The following SVEP1 variants were observed in gnomAD, a reference collection of about 807,000 sequenced individuals.
SVEP1 encodes the protein sushi, von Willebrand factor type A, EGF and pentraxin domain-containing protein 1.
SVEP1 carries 164 observed loss-of-function variants against 367.3 expected under a neutral mutation model. That is an observed-to-expected ratio of 0.45 (90% confidence interval 0.39 to 0.51). The LOEUF is 0.51. Among genes scored for constraint, SVEP1 ranks in the 20% least tolerant of loss-of-function variants. The pLI is 0.00. For synonymous variants in SVEP1, 1,666 were observed against 1,611.6 expected, an observed-to-expected ratio of 1.03 and a Z score of -0.81; for missense variants, 4,117 against 4,425.3, an observed-to-expected ratio of 0.93 and a Z score of 1.98.
chr9:110,544,496 A>G (rs901510471), intron 3 of SVEP1, among the ~76,000 whole-genome samples: 11 of 152,232 alleles, frequency 7.2e-5, no homozygotes, highest in Non-Finnish European at 7.3e-5. Flanking sequence ...TTCTTAAAAT[A>G]TAATGTAGAG....
intron 40 of SVEP1, among the ~76,000 whole-genome samples, chr9:110,390,942 C>A (rs933792254): frequency 1.5e-4 from 23 of 152,108 alleles, no homozygotes; most frequent in African/African-American, 4.8e-4. Context: ...GTAAGCCCCA[C>A]CCCTTCCATG....
intron 37 of SVEP1, among the ~76,000 whole-genome samples, chr9:110,409,842 G>A (rs752258615): frequency 2.0e-5 from 3 of 148,048 alleles, no homozygotes; most frequent in Non-Finnish European, 4.5e-5. Context: ...AATATAACAG[G>A]TCATAAACAA....
chr9:110,520,843 A>G (rs1333249593), intron 3 of SVEP1, among the ~76,000 whole-genome samples: 3 of 152,202 alleles, frequency 2.0e-5, no homozygotes, highest in Non-Finnish European at 2.9e-5. Context: ...AAATCACTTT[A>G]AAGAGTTTTA....
intron 43 of SVEP1, among the ~76,000 whole-genome samples, chr9:110,382,131 T>C (rs143833604): frequency 7.6e-4 from 116 of 152,196 alleles, no homozygotes; most frequent in African/African-American, 2.7e-3. Flanking sequence ...TGATTCTAGG[T>C]GGTTATTTTG....
At chr9:110,475,933 A>G (rs1165906326) in intron 14 of SVEP1, 21 of 321,802 alleles carry the variant, frequency 6.5e-5, no homozygotes, top group African/African-American at 4.4e-4. Flanking sequence ...ATACATCAAC[A>G]TTTGAATTTT....
chr9:110,547,658 T>C (rs1369144046), intron 2 of SVEP1, among the ~76,000 whole-genome samples: 1 of 152,108 alleles, frequency 6.6e-6, no homozygotes, highest in Non-Finnish European at 1.5e-5. Context: ...GAGAGATAAG[T>C]GGAGGAGGTA....
chr9:110,386,314 C>A (rs113028737), intron 42 of SVEP1, among the ~76,000 whole-genome samples: 63 of 152,208 alleles, frequency 4.1e-4, no homozygotes, highest in African/African-American at 1.5e-3. Context: ...AATGCAAGGT[C>A]CTAAAAGTTG....
chr9:110,579,130 A>G lies in SVEP1; in HGVS notation c.414T>C (p.Asp138=). 2 of 1,554,716 alleles carry G rather than the reference A, an allele frequency of 1.3e-6. No individual in the cohort carries two copies. The highest frequency in any genetic ancestry group is 1.7e-6 in the Non-Finnish European group (2 of 1,149,666). Reference sequence around the variant, plus strand: ...GGCGCGCGCGGCGGGTGGAGATGTAATCGACGCGCGGCACCACGTAGTTCT... The same window carrying G: ...GGCGCGCGCGGCGGGTGGAGATGTAGTCGACGCGCGGCACCACGTAGTTCT... ...SSKNYVVPRV[D]YISTRRARQH... Residue 138 remains aspartate, a synonymous_variant, in exon 1 of 48, where the codon GAT becomes GAC. Coordinates refer to ENST00000374469, the MANE Select transcript of SVEP1 (RefSeq NM_153366.4). This position sits in a 1 kb window ranked among gnomAD's most constrained non-coding sequence, Gnocchi z 5.3.
At position 110,553,707 on chromosome 9, in the gene SVEP1, A is replaced by C. The variant is rs540564716; in HGVS notation, c.532-3603T>G. ...TTCTCCCTAACTGTAACTTCCTTGA[A>C]GGCAGGTATTTTTGTGTATTTTTTA... On this transcript the variant is annotated intron_variant, in intron 1 of 47. Coordinates refer to ENST00000374469, the MANE Select transcript of SVEP1 (RefSeq NM_153366.4). Among the ~76,000 whole-genome samples, 25 of 152,302 alleles carry C rather than the reference A, an allele frequency of 1.6e-4. No individual in the cohort carries two copies. In the East Asian group the frequency reaches 4.6e-3, roughly 28 times the overall value.
chr9:110,515,591 C>T (rs554063044), intron 3 of SVEP1, among the ~76,000 whole-genome samples: 30 of 152,240 alleles, frequency 2.0e-4, no homozygotes, highest in Middle Eastern at 3.4e-3. Flanking sequence ...TGAGCCACCG[C>T]GCCCGGCCTA....
At chr9:110,378,838 C>CCAACATGGCACATGT (rs1426369674) in intron 44 of SVEP1, among the ~76,000 whole-genome samples, 1 of 151,226 alleles carries the variant, frequency 6.6e-6, no homozygotes, top group Non-Finnish European at 1.5e-5. Flanking sequence ...GTGCAGCACA[C>CCAACATGGCACATGT]CAACATGGCA....
intron 44 of SVEP1, among the ~76,000 whole-genome samples, chr9:110,378,328 G>A (rs935242654): frequency 1.3e-5 from 2 of 152,088 alleles, no homozygotes; most frequent in Non-Finnish European, 2.9e-5. Flanking sequence ...ACTTCTCATT[G>A]TTGCTGCCAG....
intron 28 of SVEP1, among the ~76,000 whole-genome samples, chr9:110,435,655 A>G (rs528696957): frequency 1.3e-5 from 2 of 152,306 alleles, no homozygotes; most frequent in South Asian, 4.1e-4. Flanking sequence ...AAGGGGTTGT[A>G]GAGGCTCTCC....
intron 22 of SVEP1, among the ~76,000 whole-genome samples, chr9:110,454,676 C>T (rs115086112): frequency 1.3e-5 from 2 of 152,158 alleles, no homozygotes; most frequent in African/African-American, 4.8e-5. Context: ...GATGCAGCTG[C>T]AGGCCATTAT....
chr9:110,381,184 C>CT (rs1203765202), intron 43 of SVEP1, among the ~76,000 whole-genome samples: 1 of 151,752 alleles, frequency 6.6e-6, no homozygotes, highest in African/African-American at 2.4e-5. Context: ...TTTTGAAGGG[C>CT]TTTTTGTGTC....
chr9:110,529,292 G>C (rs201711618), intron 3 of SVEP1, among the ~76,000 whole-genome samples: 3,087 of 152,090 alleles, frequency 0.02, 69 homozygotes, highest in East Asian at 0.12. Context: ...AGTATAATTT[G>C]AAGTTGAGTA....
intron 27 of SVEP1, among the ~76,000 whole-genome samples, chr9:110,439,226 A>G (rs1370887404): frequency 6.6e-6 from 1 of 152,124 alleles, no homozygotes. Context: ...CTGCATAAGA[A>G]GAGACACCAG....
intron 40 of SVEP1, 150 bp from the exon 41 acceptor site, chr9:110,389,737 C>G: frequency 1.2e-6 from 1 of 803,780 alleles, no homozygotes; most frequent in Non-Finnish European, 1.9e-6. Context: ...AAGTCTAAAT[C>G]TACTCCTTAA....
At chr9:110,498,919 T>C in intron 7 of SVEP1, 122 bp downstream of exon 7, 1 of 730,880 alleles carries the variant, frequency 1.4e-6, no homozygotes, top group Admixed American at 3.6e-5. Context: ...GATATTGGGG[T>C]AGCACCTAAC....
Sources: gnomAD v4.1 joint callset for allele counts (sites outside exome capture counted in the v4.1 genomes callset) on GRCh38, gnomAD v4.1.1 for gene constraint, Gnocchi (gnomAD v3.1) non-coding constraint, MANE v1.5 for transcripts, NCBI Gene and HGNC (gene_info 2026-07-23, HGNC 2026-07-21) for gene names.